The following PCDH7 variants were observed in gnomAD, a reference collection of about 807,000 sequenced individuals.
PCDH7 encodes protocadherin 7.
A neutral mutation model predicts 58.9 loss-of-function variants in PCDH7; 17 were observed. That is an observed-to-expected ratio of 0.29 (90% confidence interval 0.20 to 0.43). The LOEUF (loss-of-function observed/expected upper bound fraction) is 0.43. PCDH7 is among the 20% of genes least tolerant of loss of function. PCDH7 has a pLI of 1.00. For missense variants in PCDH7, 1,274 were observed against 1,441.0 expected (o/e 0.88, Z 1.88); for synonymous variants, 664 against 616.4 (o/e 1.08, Z -1.14).
intron 1 of PCDH7, among the ~76,000 whole-genome samples, chr4:30,874,861 G>A (rs555856930): frequency 6.6e-6 from 1 of 151,836 alleles, no homozygotes; most frequent in East Asian, 1.9e-4. Flanking sequence ...TTACTCTTCA[G>A]CAAGACTGTT....
In PCDH7 at chr4:30,722,725, G is replaced by A; in HGVS notation, c.1303G>A (p.Asp435Asn). The A allele has an allele frequency of 6.2e-7, 1 of 1,613,546 alleles. No individual in the cohort carries two copies. The highest frequency in any genetic ancestry group is 2.2e-5 in the East Asian group (1 of 44,864). ...GGACGGGGTGGCCAACGTGGCCGAGGACGTTCTGGTCGACACCCCCATCGC... is the reference window on the plus strand; with the variant it reads ...GGACGGGGTGGCCAACGTGGCCGAGAACGTTCTGGTCGACACCCCCATCGC... The change falls in exon 1 of 2, where the codon GAC (aspartate) becomes AAC (asparagine). Residue 435 changes from aspartate (D) to asparagine (N), a missense_variant. Physicochemically the swap from Asp to Asn is conservative, Grantham distance 23. Transcript: ENST00000361762. This position sits in a 1 kb window ranked among gnomAD's most constrained non-coding sequence, Gnocchi z 7.6.
chr4:30,763,587 C>G (rs2109271070), intron 1 of PCDH7, among the ~76,000 whole-genome samples: 1 of 152,334 alleles, frequency 6.6e-6, no homozygotes, highest in East Asian at 1.9e-4. Flanking sequence ...ATGGGTATAG[C>G]TGTCTAGTCA....
In PCDH7 at chr4:31,075,665, T is replaced by C. The variant is rs529977468; in HGVS notation, c.*8-66808T>C. 4.6e-5 allele frequency among the ~76,000 whole-genome samples: 7 copies of C among 152,274 alleles called. 1 individual carries two copies. The highest frequency in any genetic ancestry group is 3.3e-4 in the Admixed American group (5 of 15,292). ...TCTGATAATGCTAACTGTGTCATCA[T>C]AGCATGCAAAGGTCAGTGTCTGACT... On this transcript the variant is annotated intron_variant, in intron 3 of 3. Transcript: ENST00000509759.
intron 1 of PCDH7, among the ~76,000 whole-genome samples, chr4:30,917,969 TAA>T (rs1391165543): frequency 6.6e-6 from 1 of 152,316 alleles, no homozygotes; most frequent in East Asian, 1.9e-4. Context: ...TTTCTGTTTC[TAA>T]GTTTATTGGT....
chr4:31,042,532 T>C (rs1755961249), intron 3 of PCDH7, among the ~76,000 whole-genome samples: 1 of 152,148 alleles, frequency 6.6e-6, no homozygotes, highest in African/African-American at 2.4e-5. Context: ...GCAGATCGTT[T>C]CAAGAAAAGG....
chr4:30,866,690 T>C lies in PCDH7; in HGVS notation c.71-53463T>C, dbSNP rs1578101718. Among the ~76,000 whole-genome samples, 7 of 148,646 alleles carry C rather than the reference T, an allele frequency of 4.7e-5. No homozygotes were observed. In the South Asian group the frequency reaches 1.5e-3, roughly 31 times the overall value. ...AGGAAAATTCTTTCCACAAATAGAATCTCTGGCAAAAAAAAAAAAAAAGTA... is the reference window on the plus strand; with the variant it reads ...AGGAAAATTCTTTCCACAAATAGAACCTCTGGCAAAAAAAAAAAAAAAGTA... On this transcript the variant is annotated intron_variant, in intron 1 of 3. Transcript: ENST00000509759.
chr4:30,909,181 C>T (rs537501427), intron 1 of PCDH7, among the ~76,000 whole-genome samples: 1 of 152,190 alleles, frequency 6.6e-6, no homozygotes, highest in South Asian at 2.1e-4. Flanking sequence ...GAACATATCT[C>T]AAAATAATAA....
chr4:30,933,151 C>G (rs577395219), intron 2 of PCDH7, among the ~76,000 whole-genome samples: 15 of 152,102 alleles, frequency 9.9e-5, no homozygotes, highest in African/African-American at 3.6e-4. Flanking sequence ...CTCAGGCTCC[C>G]AAGTAGCTGG....
intron 2 of PCDH7, among the ~76,000 whole-genome samples, chr4:30,940,845 G>A (rs749956637): frequency 1.3e-4 from 19 of 151,886 alleles, no homozygotes; most frequent in Non-Finnish European, 1.5e-4. Flanking sequence ...CATGTACCTC[G>A]CTCCTGCAGT....
At chr4:30,874,036 C>T (rs951806983) in intron 1 of PCDH7, among the ~76,000 whole-genome samples, 4 of 151,950 alleles carry the variant, frequency 2.6e-5, no homozygotes, top group Admixed American at 2.6e-4. Context: ...ATTAAAAAGT[C>T]AGGAAACAAC....
At chr4:30,974,390 T>TC (rs1346924781) in intron 3 of PCDH7, among the ~76,000 whole-genome samples, 2 of 151,992 alleles carry the variant, frequency 1.3e-5, no homozygotes, top group African/African-American at 4.8e-5. Context: ...AGGTTTTTTT[T>TC]TCTCTCTCTT....
At chr4:30,838,084 A>G (rs1730739452) in intron 1 of PCDH7, among the ~76,000 whole-genome samples, 2 of 151,828 alleles carry the variant, frequency 1.3e-5, no homozygotes, top group South Asian at 2.1e-4. Context: ...TCAGTTGTGT[A>G]CAGAATGCCT....
intron 3 of PCDH7, among the ~76,000 whole-genome samples, chr4:31,067,883 G>A (rs1008245789): frequency 6.6e-6 from 1 of 151,798 alleles, no homozygotes; most frequent in African/African-American, 2.4e-5. Context: ...CAATGAGAGC[G>A]GCGCAATACC....
chr4:30,791,936 A>G (rs1294061256), intron 1 of PCDH7, among the ~76,000 whole-genome samples: 2 of 152,240 alleles, frequency 1.3e-5, no homozygotes, highest in Non-Finnish European at 2.9e-5. Flanking sequence ...TTATCATAAA[A>G]AGATAACACT....
intron 2 of PCDH7, among the ~76,000 whole-genome samples, chr4:30,937,938 C>T (rs879697661): frequency 2.6e-5 from 4 of 151,246 alleles, no homozygotes; most frequent in Admixed American, 1.3e-4. Flanking sequence ...TAATTGACCT[C>T]GTCATTAAGC....
At chr4:31,098,767 A>G (rs1397878789) in intron 3 of PCDH7, among the ~76,000 whole-genome samples, 2 of 152,212 alleles carry the variant, frequency 1.3e-5, no homozygotes, top group Non-Finnish European at 2.9e-5. Flanking sequence ...AATATGGAGT[A>G]TATCAATTTA....
exon 4 of PCDH7, chr4:31,142,745 A>G: frequency 7.3e-7 from 1 of 1,367,678 alleles, no homozygotes; most frequent in South Asian, 1.1e-5. Flanking sequence ...AGCTAGTTTC[A>G]GCAAAAATGA....
intron 1 of PCDH7, among the ~76,000 whole-genome samples, chr4:30,915,578 C>A (rs755558698): frequency 7.9e-5 from 12 of 152,210 alleles, no homozygotes; most frequent in African/African-American, 2.9e-4. Flanking sequence ...GGCTAGAGTG[C>A]GGTGGCGCGA....
At chr4:30,781,944 C>T (rs1250005910) in intron 1 of PCDH7, among the ~76,000 whole-genome samples, 2 of 152,122 alleles carry the variant, frequency 1.3e-5, no homozygotes, top group Non-Finnish European at 2.9e-5. Flanking sequence ...TGTGTGTATA[C>T]TCTAACTTAT....
Sources: allele counts gnomAD v4.1 joint callset (sites outside exome capture counted in the v4.1 genomes callset), GRCh38; gene constraint gnomAD v4.1.1; non-coding constraint Gnocchi (gnomAD v3.1); transcripts MANE v1.5; gene names NCBI Gene and HGNC (gene_info 2026-07-23, HGNC 2026-07-21).